ENTPD1: variants seen among roughly 807,000 people sequenced by gnomAD.
ENTPD1 encodes ectonucleoside triphosphate diphosphohydrolase 1, also known as ATP diphosphohydrolase.
ENTPD1 carries 33 observed loss-of-function variants against 57.0 expected under a neutral mutation model. The observed-to-expected ratio is 0.58, with a 90% CI of 0.44 to 0.77. The LOEUF is 0.77. Ranked by LOEUF, ENTPD1 falls within the 30% of genes least tolerant of loss-of-function variation. ENTPD1 has a pLI of 0.00. For synonymous variants in ENTPD1, 202 were observed against 218.8 expected (o/e 0.92, Z 0.68); for missense variants, 501 against 603.4 (o/e 0.83, Z 1.78).
At chr10:95,754,851 T>C (rs1376905016), upstream of ENTPD1, 5 of 152,240 alleles carry the variant, frequency 3.3e-5, no homozygotes. Context: ...GTATATACCA[T>C]GTGGCACCGT....
chr10:95,718,113 G>A (rs1184930247), intron 1 of ENTPD1, among the ~76,000 whole-genome samples: 3 of 152,192 alleles, frequency 2.0e-5, no homozygotes, highest in African/African-American at 7.2e-5. Flanking sequence ...GAAGCTCTTG[G>A]TAAGGGGAGC....
At chr10:95,737,180 C>A (rs2097995494) in intron 1 of ENTPD1, among the ~76,000 whole-genome samples, 1 of 152,100 alleles carries the variant, frequency 6.6e-6, no homozygotes. Flanking sequence ...CTATTCAGTG[C>A]AGGACAAAAC....
chr10:95,703,247 G>A, the ENTPD1 span, among the ~76,000 whole-genome samples: 61 of 152,072 alleles, frequency 4.0e-4, no homozygotes, highest in Non-Finnish European at 8.1e-4. Flanking sequence ...ACCACTAACA[G>A]ACCCACACAA....
Position 95,870,525 on chromosome 10 carries a change from T to G in ENTPD1, c.*4142T>G, listed in dbSNP as rs2098479250. The G allele has an allele frequency of 1.0e-6, 1 of 974,820 alleles. No homozygotes were observed. The highest frequency in any genetic ancestry group is 6.2e-5 in the Admixed American group (1 of 16,248). The allele number at this position is 974,820 out of a possible 1,614,324, so 60.4% of individuals were successfully genotyped here. ...AACTCCTGCCCTCAAGCAATCCTCC[T>G]GCCTTGGCCTCCCAAAGTGTTGAGA... On this transcript the variant is annotated 3_prime_UTR_variant, in exon 10 of 10. Coordinates refer to ENST00000371205, the MANE Select transcript of ENTPD1 (RefSeq NM_001776.6).
intron 1 of ENTPD1, among the ~76,000 whole-genome samples, chr10:95,789,624 G>T (rs1172315021): frequency 2.0e-5 from 3 of 152,006 alleles, no homozygotes; most frequent in Non-Finnish European, 4.4e-5. Context: ...TAGGTAAAAG[G>T]TATGTCATGA....
intron 1 of ENTPD1, among the ~76,000 whole-genome samples, chr10:95,717,220 A>C (rs1025639252): frequency 1.3e-5 from 2 of 152,230 alleles, no homozygotes; most frequent in African/African-American, 4.8e-5. Flanking sequence ...AGTAAGCTAC[A>C]ATCCCAAATC....
intron 1 of ENTPD1, among the ~76,000 whole-genome samples, chr10:95,727,484 A>G (rs780076784): frequency 1.8e-4 from 28 of 152,166 alleles, no homozygotes; most frequent in Non-Finnish European, 7.4e-5. Flanking sequence ...TTTATTACCC[A>G]TTTCTTTGTG....
intron 1 of ENTPD1, among the ~76,000 whole-genome samples, chr10:95,806,275 G>A (rs1168459993): frequency 6.6e-6 from 1 of 152,038 alleles, no homozygotes; most frequent in East Asian, 1.9e-4. Flanking sequence ...TCTTCCACTT[G>A]ATCGAATCGG....
At chr10:95,790,086 C>T (rs566524234) in intron 1 of ENTPD1, among the ~76,000 whole-genome samples, 19 of 152,256 alleles carry the variant, frequency 1.2e-4, no homozygotes, top group Middle Eastern at 6.8e-3. Context: ...AGTCATGACT[C>T]ATGACATTAC....
chr10:95,752,436 C>T (rs1411397392), upstream of ENTPD1, among the ~76,000 whole-genome samples: 1 of 152,182 alleles, frequency 6.6e-6, no homozygotes, highest in Non-Finnish European at 1.5e-5. Flanking sequence ...GGGCAGATCA[C>T]CTGAGGTCAG....
chr10:95,869,730 AGATGGATG>A lies in ENTPD1; in HGVS notation c.*3349_*3356del. On this transcript the variant is annotated 3_prime_UTR_variant, in exon 10 of 10. Coordinates refer to ENST00000371205, the MANE Select transcript of ENTPD1 (RefSeq NM_001776.6). ...TTGTATCAGTCAAGGTCCCTGCAAG[AGATGGATG>A]GTATGGTACACTCAAACTGGGTAAC... 3 of 919,452 alleles carry A rather than the reference AGATGGATG, an allele frequency of 3.3e-6. No individual in the cohort carries two copies. The highest frequency in any genetic ancestry group is 3.9e-6 in the Non-Finnish European group (3 of 769,746). 57.0% of individuals were successfully genotyped at this position (919,452 alleles called of 1,614,324 possible).
intron 1 of ENTPD1, among the ~76,000 whole-genome samples, chr10:95,732,605 C>T (rs1332723741): frequency 1.3e-5 from 2 of 152,178 alleles, no homozygotes; most frequent in Admixed American, 6.5e-5. Context: ...AGACTCTTCC[C>T]TTATCAGGGG....
At chr10:95,811,438 G>A (rs1272618663) in intron 1 of ENTPD1, among the ~76,000 whole-genome samples, 1 of 152,128 alleles carries the variant, frequency 6.6e-6, no homozygotes, top group African/African-American at 2.4e-5. Context: ...GAAACCCTCT[G>A]TACATTTTTT....
intron 1 of ENTPD1, among the ~76,000 whole-genome samples, chr10:95,807,121 G>A (rs1175201021): frequency 2.0e-5 from 3 of 152,240 alleles, no homozygotes. Context: ...CACAGAGATG[G>A]AGTGTAGAGG....
In ENTPD1 at chr10:95,866,329, C is replaced by A. The variant is rs146889178; in HGVS notation, c.1479C>A (p.Ile493=). ...LFSLVLFTVA[I]IGLLIFHKPS... ...CCCTGGTCCTTTTCACAGTGGCCATCATAGGCTTGCTTATCTTTCACAAGC... is the reference window on the plus strand; with the variant it reads ...CCCTGGTCCTTTTCACAGTGGCCATAATAGGCTTGCTTATCTTTCACAAGC... The change falls in exon 10 of 10, where the codon ATC becomes ATA. Residue 493 remains isoleucine (I), a synonymous_variant. Transcript: ENST00000371205. The A allele has an allele frequency of 1.2e-6, 2 of 1,614,204 alleles. No homozygotes were observed. Among genetic ancestry groups the A allele is most frequent in the Non-Finnish European group, 1.7e-6 (2 of 1,180,044 alleles).
the ENTPD1 span, among the ~76,000 whole-genome samples, chr10:95,695,558 C>T: frequency 1.3e-5 from 2 of 152,108 alleles, no homozygotes; most frequent in Admixed American, 6.5e-5. Flanking sequence ...AAAAGTCTCT[C>T]TGTGTTATAA....
intron 7 of ENTPD1, among the ~76,000 whole-genome samples, chr10:95,850,548 A>T (rs929683505): frequency 4.6e-5 from 7 of 152,162 alleles, no homozygotes; most frequent in African/African-American, 1.7e-4. Flanking sequence ...ACCAGTTTCC[A>T]TGGTGTAAGT....
At position 95,867,915 on chromosome 10, in the gene ENTPD1, C is replaced by G; in HGVS notation, c.*1532C>G. On this transcript the variant is annotated 3_prime_UTR_variant, in exon 10 of 10. Coordinates refer to ENST00000371205, the MANE Select transcript of ENTPD1 (RefSeq NM_001776.6). ...CTTAATAAAGCTGTGGAAAGGAACT[C>G]TTAATCTTCTTTTCTGCTACTTAGG... 3.0e-6 allele frequency: 3 copies of G among 985,442 alleles called. No homozygotes were observed. The highest frequency in any genetic ancestry group is 3.6e-6 in the Non-Finnish European group (3 of 829,926). 61.0% of individuals were successfully genotyped at this position (985,442 alleles called of 1,614,324 possible).
At chr10:95,840,145 A>T (rs776333097) in intron 3 of ENTPD1, among the ~76,000 whole-genome samples, 3 of 152,208 alleles carry the variant, frequency 2.0e-5, no homozygotes, top group East Asian at 3.8e-4. Context: ...CTAATTTTTT[A>T]AAAATGAGGG....
Sources: allele counts gnomAD v4.1 joint callset (sites outside exome capture counted in the v4.1 genomes callset), GRCh38; gene constraint gnomAD v4.1.1; transcripts MANE v1.5; gene names NCBI Gene and HGNC (gene_info 2026-07-23, HGNC 2026-07-21).